The following POLR3E variants were observed in gnomAD, a reference collection of about 807,000 sequenced individuals.
The protein encoded by POLR3E is DNA-directed RNA polymerase III subunit RPC5.
POLR3E carries 41 observed loss-of-function variants against 96.6 expected under a neutral mutation model. That is an observed-to-expected ratio of 0.42 (90% CI 0.33 to 0.55). The LOEUF (loss-of-function observed/expected upper bound fraction) is 0.55. Ranked by LOEUF, POLR3E falls within the 20% of genes least tolerant of loss-of-function variation. The pLI, the probability that POLR3E is intolerant of heterozygous loss-of-function variation, is 0.06. For missense variants in POLR3E, 849 were observed against 952.1 expected (o/e 0.89, Z 1.43); for synonymous variants, 396 against 383.6 (o/e 1.03, Z -0.38).
rs774469974 is a variant in POLR3E, at chr16:22,325,831, G to A, written c.1419G>A (p.Ala473=). ...VAKTKAQQNH[A]LLERELQRRK... The stretch of plus-strand genomic sequence containing the variant: ...AAACCAAGGCCCAGCAGAACCACGC[G>A]TTGCTGGAGCGGGAGCTGCAGCGGC... Residue 473 remains alanine, a synonymous_variant, in exon 18 of 21, where the codon GCG becomes GCA. Transcript: ENST00000299853. 20 of 1,611,672 alleles carry A rather than the reference G, an allele frequency of 1.2e-5. No individual in the cohort carries two copies. In the East Asian group the frequency reaches 2.0e-4, roughly 16 times the overall value.
chr16:22,299,877 T>C (rs1194811403), intron 1 of POLR3E, among the ~76,000 whole-genome samples: 1 of 147,258 alleles, frequency 6.8e-6, no homozygotes, highest in East Asian at 2.0e-4. Flanking sequence ...CTAAAATTTT[T>C]TTTTAAAGAG....
intron 1 of POLR3E, chr16:22,299,010 C>G (rs1388248189): frequency 2.2e-6 from 1 of 455,988 alleles, no homozygotes; most frequent in Non-Finnish European, 4.4e-6. Flanking sequence ...TTGCAGAAGA[C>G]AAACAACACC....
chr16:22,308,445 C>T (rs2048178890), intron 4 of POLR3E: 2 of 560,212 alleles, frequency 3.6e-6, no homozygotes, highest in South Asian at 4.0e-5. Context: ...GAGAATGGGG[C>T]CAGATGTGAG....
At chr16:22,326,930 G>GT (rs1332638259) in intron 18 of POLR3E, 1 of 153,314 alleles carries the variant, frequency 6.5e-6, no homozygotes, top group African/African-American at 2.4e-5. Context: ...CTTGAGTGTG[G>GT]TATTGCAAGC....
intron 17 of POLR3E, 85 bp downstream of exon 17, chr16:22,325,351 G>A (rs961571267): frequency 1.3e-5 from 14 of 1,107,526 alleles, no homozygotes; most frequent in African/African-American, 1.5e-5. Flanking sequence ...TGTCAGGCCC[G>A]GACCTGGAGA....
intron 3 of POLR3E, 56 bp downstream of exon 3, chr16:22,305,262 G>A: frequency 1.6e-6 from 2 of 1,286,876 alleles, no homozygotes; most frequent in Non-Finnish European, 2.3e-6. Flanking sequence ...TGGGTGGTGT[G>A]GACTCAGGAA....
intron 20 of POLR3E, among the ~76,000 whole-genome samples, chr16:22,332,941 G>A (rs1158925669): frequency 7.5e-6 from 1 of 133,856 alleles, no homozygotes; most frequent in Non-Finnish European, 1.6e-5. Context: ...TTCTGGGCAT[G>A]TCAGTATCTG....
chr16:22,316,981 C>T lies in POLR3E; in HGVS notation c.729-14C>T. 3.1e-6 allele frequency: 5 copies of T among 1,613,768 alleles called. No homozygotes were observed. The highest frequency in any genetic ancestry group is 3.4e-6 in the Non-Finnish European group (4 of 1,179,636). ...GATCAGCCCTGAGCCTCTGCCCCTG[C>T]CATGTCCCTGCAGTGAGTACCTGAT... On this transcript the variant is annotated splice_polypyrimidine_tract_variant and intron_variant, in intron 10 of 20. Transcript: ENST00000299853.
chr16:22,308,497 G>A, intron 4 of POLR3E: 3 of 513,236 alleles, frequency 5.8e-6, no homozygotes, highest in South Asian at 4.3e-5. Context: ...GGGTGAACAT[G>A]GAGTAGGTTT....
intron 6 of POLR3E, among the ~76,000 whole-genome samples, chr16:22,311,908 G>T (rs547461218): frequency 6.6e-6 from 1 of 152,164 alleles, no homozygotes; most frequent in African/African-American, 2.4e-5. Flanking sequence ...CCATAGAGCC[G>T]AGGCGTGTAG....
At chr16:22,327,069 C>T (rs1337133418) in intron 18 of POLR3E, 1 of 152,498 alleles carries the variant, frequency 6.6e-6, no homozygotes, top group Non-Finnish European at 1.5e-5. Context: ...TGAGGCACGC[C>T]TTTCCCGTGC....
Position 22,315,268 on chromosome 16 carries a change from G to A in POLR3E, c.642+60G>A, listed in dbSNP as rs936618815. The stretch of plus-strand genomic sequence containing the variant: ...CCTCGGTGCCCGGAAGGGTCATGGT[G>A]TGGCCTCCGTGTCTCACCTTGAACT... On this transcript the variant is annotated intron_variant, in intron 9 of 20. Coordinates refer to ENST00000299853, the MANE Select transcript of POLR3E (RefSeq NM_018119.4). 9.9e-6 allele frequency: 15 copies of A among 1,513,408 alleles called. No individual in the cohort carries two copies. The African/African-American group carries it at 2.1e-4, about 21-fold the overall frequency. 93.7% of individuals were successfully genotyped at this position (1,513,408 alleles called of 1,614,324 possible).
chr16:22,310,909 A>G (rs2048232391), intron 6 of POLR3E, among the ~76,000 whole-genome samples: 1 of 152,190 alleles, frequency 6.6e-6, no homozygotes, highest in African/African-American at 2.4e-5. Context: ...GCAATAGAGC[A>G]AGACTCTGTC....
chr16:22,303,615 A>AT (rs2048070749), intron 2 of POLR3E, among the ~76,000 whole-genome samples: 1 of 144,616 alleles, frequency 6.9e-6, no homozygotes, highest in Non-Finnish European at 1.5e-5. Flanking sequence ...GTCTCCGGGT[A>AT]CAGGCAGTGG....
rs564158547 is a variant in POLR3E, at chr16:22,307,766, C to T, written c.88-382C>T. ...TGCTTCCTCATGGACTCCTTTTGGT[C>T]GTCCTTCTCTCCCCGGATGGCCTGT... On this transcript the variant is annotated intron_variant, in intron 3 of 20. Transcript: ENST00000299853. 2.6e-5 allele frequency among the ~76,000 whole-genome samples: 4 copies of T among 152,294 alleles called. No homozygotes were observed. The East Asian group carries it at 5.8e-4, about 22-fold the overall frequency.
intron 1 of POLR3E, among the ~76,000 whole-genome samples, chr16:22,302,291 G>A (rs2048040994): frequency 6.6e-6 from 1 of 152,154 alleles, no homozygotes; most frequent in South Asian, 2.1e-4. Flanking sequence ...TGCTTGCTAT[G>A]TGACTTTGGG....
At position 22,318,861 on chromosome 16, in the gene POLR3E, C is replaced by T; in HGVS notation, c.901C>T (p.Leu301=). The change falls in exon 13 of 21, where the codon CTG becomes TTG. Residue 301 remains leucine, a synonymous_variant. Coordinates refer to ENST00000299853, the MANE Select transcript of POLR3E (RefSeq NM_018119.4). This position sits in a 1 kb window ranked among gnomAD's most constrained non-coding sequence, Gnocchi z 5.0. ...GCCTTTTGCCAACTTGATGAGCCTC[C>T]TGGGCCCCTCCATCGATTCCGTGGC... ...VMPFANLMSL[L]GPSIDSVAVL... is the part of the protein sequence containing the mutation. 2 of 1,613,732 alleles carry T rather than the reference C, an allele frequency of 1.2e-6. No homozygotes were observed. The highest frequency in any genetic ancestry group is 1.1e-5 in the South Asian group (1 of 91,070).
Position 22,332,156 on chromosome 16 carries a change from A to G in POLR3E, c.2041A>G (p.Ser681Gly). 2 of 1,613,472 alleles carry G rather than the reference A, an allele frequency of 1.2e-6. No homozygotes were observed. Among genetic ancestry groups the G allele is most frequent in the Non-Finnish European group, 1.7e-6 (2 of 1,179,376 alleles). Residue 681 changes from serine (S) to glycine (G), a missense_variant, in exon 20 of 21, where the codon AGT becomes GGT. Coordinates refer to ENST00000299853, the MANE Select transcript of POLR3E (RefSeq NM_018119.4). Reference sequence around the variant, plus strand: ...GACTCAAGAGTGTGGAGAAGATCTCAGTAAACAGGAGGTGGATAAAGTACT... The same window carrying G: ...GACTCAAGAGTGTGGAGAAGATCTCGGTAAACAGGAGGTGGATAAAGTACT... Reference protein sequence around the residue: ...RLTQECGEDLSKQEVDKVLKD... With the variant: ...RLTQECGEDLGKQEVDKVLKD...
At chr16:22,327,712 G>A (rs1412252632) in intron 18 of POLR3E, 3 of 152,302 alleles carry the variant, frequency 2.0e-5, no homozygotes, top group African/African-American at 7.2e-5. Context: ...AATAGATCGA[G>A]AACTTGACTT....
Sources: gnomAD v4.1 joint callset for allele counts (sites outside exome capture counted in the v4.1 genomes callset) on GRCh38, gnomAD v4.1.1 for gene constraint, Gnocchi (gnomAD v3.1) non-coding constraint, MANE v1.5 for transcripts, NCBI Gene and HGNC (gene_info 2026-07-23, HGNC 2026-07-21) for gene names.